WWOX: variants seen among roughly 807,000 people sequenced by gnomAD.
WWOX encodes WW domain-containing oxidoreductase.
In WWOX, 69 loss-of-function variants were observed where a neutral mutation model predicts 46.2. The ratio of observed to expected loss-of-function variants is 1.49; its 90% CI spans 1.23 to 1.82. The LOEUF is 1.82. WWOX is among the 40% of genes most tolerant of loss of function. WWOX has a pLI of 0.00. For missense variants in WWOX, 919 were observed against 542.6 expected, an observed-to-expected ratio of 1.69 and a Z score of -6.89; for synonymous variants, 359 against 202.6, an observed-to-expected ratio of 1.77 and a Z score of -6.56.
intron 8 of WWOX, among the ~76,000 whole-genome samples, chr16:78,742,653 C>A (rs1005609495): frequency 6.6e-6 from 1 of 152,196 alleles, no homozygotes; most frequent in Admixed American, 6.5e-5. Context: ...TCACTCGGGG[C>A]TAAAACTGTT....
chr16:78,734,233 C>G (rs1220482758), intron 8 of WWOX, among the ~76,000 whole-genome samples: 4 of 152,016 alleles, frequency 2.6e-5, no homozygotes, highest in South Asian at 2.1e-4. Context: ...CAAAATGAGA[C>G]TCTTGGTTTT....
intron 8 of WWOX, among the ~76,000 whole-genome samples, chr16:79,166,290 G>T (rs774617372): frequency 2.0e-5 from 3 of 152,150 alleles, no homozygotes; most frequent in South Asian, 2.1e-4. Flanking sequence ...GTTTCAGCCA[G>T]GGCTTTTCCA....
intron 1 of WWOX, 102 bp downstream of exon 1, chr16:78,099,987 G>C: frequency 1.3e-6 from 2 of 1,513,766 alleles, no homozygotes; most frequent in Non-Finnish European, 1.8e-6. Flanking sequence ...AGCGCGTGCG[G>C]TGCAAAGTGA....
In WWOX at chr16:79,212,144, G is replaced by C. The variant is rs776588952; in HGVS notation, c.*348G>C. ...TTATAGAATAGCCTGAGGTCCCCTC[G>C]TCCCATCCAGCTACCACCACGGCCA... On this transcript the variant is annotated 3_prime_UTR_variant, in exon 9 of 9. Transcript: ENST00000566780. 6 of 1,516,886 alleles carry C rather than the reference G, an allele frequency of 4.0e-6. No individual in the cohort carries two copies. Among genetic ancestry groups the C allele is most frequent in the Non-Finnish European group, 4.4e-6 (5 of 1,137,050 alleles). The allele number at this position is 1,516,886 out of a possible 1,614,324, so 94.0% of individuals were successfully genotyped here. A position where few individuals can be genotyped will look rare whatever the true frequency, so the allele number is the denominator to read the frequency against.
chr16:79,077,219 C>G lies in WWOX; in HGVS notation c.1057-134389C>G, dbSNP rs371899633. Among the ~76,000 whole-genome samples, 5 of 152,084 alleles carry G rather than the reference C, an allele frequency of 3.3e-5. No homozygotes were observed. In the East Asian group the frequency reaches 5.8e-4, roughly 18 times the overall value. On this transcript the variant is annotated intron_variant, in intron 8 of 8. Transcript: ENST00000566780. The stretch of plus-strand genomic sequence containing the variant: ...TCAGGAGCTTAAAACCCATTAGTTT[C>G]TTTTTTGTTTTATTTTTGCCCACTA...
intron 8 of WWOX, among the ~76,000 whole-genome samples, chr16:78,779,264 C>T (rs2050267216): frequency 6.6e-6 from 1 of 152,198 alleles, no homozygotes; most frequent in Non-Finnish European, 1.5e-5. Flanking sequence ...CCCATCTCAG[C>T]CTCCTGAGTA....
At chr16:78,331,914 A>G (rs777009908) in intron 5 of WWOX, among the ~76,000 whole-genome samples, 20 of 152,300 alleles carry the variant, frequency 1.3e-4, no homozygotes, top group Middle Eastern at 3.4e-3. Context: ...AGGTTATGCA[A>G]TGTGCCAACA....
At chr16:78,567,699 G>A (rs960311072) in intron 8 of WWOX, among the ~76,000 whole-genome samples, 1 of 152,008 alleles carries the variant, frequency 6.6e-6, no homozygotes, top group African/African-American at 2.4e-5. Context: ...GTTCCCCACT[G>A]GCTGTGGAGA....
At chr16:79,124,468 A>T (rs1224885429) in intron 8 of WWOX, among the ~76,000 whole-genome samples, 4 of 152,184 alleles carry the variant, frequency 2.6e-5, no homozygotes, top group African/African-American at 9.7e-5. Context: ...ACAGGGCAGG[A>T]GGGTGGTGTG....
intron 6 of WWOX, among the ~76,000 whole-genome samples, chr16:78,416,766 A>G (rs1385073891): frequency 1.3e-5 from 2 of 152,380 alleles, no homozygotes; most frequent in East Asian, 3.9e-4. Context: ...CTTGTGGATA[A>G]AAGTGAAGGA....
intron 8 of WWOX, among the ~76,000 whole-genome samples, chr16:79,026,364 C>T (rs1597295254): frequency 1.3e-5 from 2 of 151,806 alleles, no homozygotes; most frequent in South Asian, 2.1e-4. Context: ...TCTCAGCTCA[C>T]ACATCACATC....
intron 8 of WWOX, among the ~76,000 whole-genome samples, chr16:78,757,288 G>A (rs1267228650): frequency 1.3e-5 from 2 of 151,982 alleles, no homozygotes; most frequent in Non-Finnish European, 1.5e-5. Context: ...TTCAGCATTA[G>A]GTAAGAAAAC....
intron 5 of WWOX, among the ~76,000 whole-genome samples, chr16:78,294,629 G>C (rs184445650): frequency 1.4e-5 from 2 of 145,912 alleles, no homozygotes; most frequent in East Asian, 4.4e-4. Flanking sequence ...TCTGTAAAAG[G>C]ATAGTCTAAA....
intron 8 of WWOX, among the ~76,000 whole-genome samples, chr16:79,201,854 G>T (rs1046318186): frequency 6.6e-6 from 1 of 152,080 alleles, no homozygotes; most frequent in South Asian, 2.1e-4. Context: ...TATAAGCTCA[G>T]GTGATTTCAT....
chr16:79,104,873 C>T (rs1319747480), intron 8 of WWOX, among the ~76,000 whole-genome samples: 2 of 152,190 alleles, frequency 1.3e-5, no homozygotes, highest in Admixed American at 1.3e-4. Context: ...CAAACCTCGA[C>T]AGACAGCGGC....
chr16:78,793,414 C>A (rs556706013), intron 8 of WWOX, among the ~76,000 whole-genome samples: 36 of 152,274 alleles, frequency 2.4e-4, no homozygotes, highest in African/African-American at 8.2e-4. Flanking sequence ...GACTATACGG[C>A]TGCTCTCCAC....
chr16:79,153,445 A>G (rs1385268641), intron 8 of WWOX, among the ~76,000 whole-genome samples: 2 of 152,196 alleles, frequency 1.3e-5, no homozygotes, highest in Non-Finnish European at 2.9e-5. Flanking sequence ...GTGTGGGGTC[A>G]TACCAAGTCA....
intron 8 of WWOX, among the ~76,000 whole-genome samples, chr16:78,462,769 C>T (rs967400379): frequency 4.6e-5 from 7 of 152,192 alleles, no homozygotes; most frequent in African/African-American, 7.2e-5. Context: ...CTCGTCCTGC[C>T]GCCTGGACTA....
chr16:78,880,617 C>G (rs889322602), intron 8 of WWOX, among the ~76,000 whole-genome samples: 1 of 152,198 alleles, frequency 6.6e-6, no homozygotes, highest in African/African-American at 2.4e-5. Context: ...AAATGCCCAT[C>G]TTCATTCCCT....
Sources: allele counts gnomAD v4.1 joint callset (sites outside exome capture counted in the v4.1 genomes callset), GRCh38; gene constraint gnomAD v4.1.1; transcripts MANE v1.5; gene names NCBI Gene and HGNC (gene_info 2026-07-23, HGNC 2026-07-21).